CDH13: variants seen among roughly 807,000 people sequenced by gnomAD.
The protein encoded by CDH13 is cadherin 13.
In CDH13, 24 loss-of-function variants were observed where a neutral mutation model predicts 63.8. The ratio of observed to expected loss-of-function variants is 0.38; its 90% CI spans 0.27 to 0.53. CDH13 has a LOEUF of 0.53. CDH13 is among the 20% of genes least tolerant of loss of function. The probability of loss-of-function intolerance (pLI) is 0.85; values close to 1 mark genes in which losing one functional copy is unlikely to be tolerated. For synonymous variants in CDH13, 503 were observed against 355.3 expected (o/e 1.42, Z -4.67); for missense variants, 1,049 against 903.1 (o/e 1.16, Z -2.07).
chr16:82,740,591 G>A (rs2033883577), intron 1 of CDH13, among the ~76,000 whole-genome samples: 1 of 152,154 alleles, frequency 6.6e-6, no homozygotes, highest in African/African-American at 2.4e-5. Flanking sequence ...GGCTCAGCTG[G>A]GCTTGACTCC....
chr16:83,677,760 T>A (rs567544749), intron 9 of CDH13, among the ~76,000 whole-genome samples: 3 of 151,922 alleles, frequency 2.0e-5, no homozygotes, highest in African/African-American at 7.3e-5. Flanking sequence ...GGCGTTGGAG[T>A]CTCATTTACC....
At chr16:83,093,236 C>T (rs2034007314) in intron 3 of CDH13, among the ~76,000 whole-genome samples, 1 of 145,998 alleles carries the variant, frequency 6.8e-6, no homozygotes, top group Non-Finnish European at 1.5e-5. Flanking sequence ...TTGACTCTAT[C>T]AGGTGGATTT....
intron 8 of CDH13, among the ~76,000 whole-genome samples, chr16:83,636,877 GC>G (rs1476714267): frequency 3.3e-5 from 5 of 152,170 alleles, no homozygotes; most frequent in Admixed American, 2.6e-4. Flanking sequence ...ATTCCCACCA[GC>G]AGCATATATG....
At chr16:83,657,817 A>G (rs1185635128) in intron 8 of CDH13, among the ~76,000 whole-genome samples, 1 of 152,112 alleles carries the variant, frequency 6.6e-6, no homozygotes, top group Non-Finnish European at 1.5e-5. Flanking sequence ...TGCCAGCCAC[A>G]TGTCCTCACC....
chr16:83,065,364 A>G lies in CDH13; in HGVS notation c.366+33146A>G, dbSNP rs993952583. On this transcript the variant is annotated intron_variant, in intron 3 of 13. Coordinates refer to ENST00000567109, the MANE Select transcript of CDH13 (RefSeq NM_001257.5). ...CTGGTACAAAGATGGGTAAGATGGG[A>G]TGGAGAAGTTTCTACAAAACTGCTG... 3.3e-5 allele frequency among the ~76,000 whole-genome samples: 5 copies of G among 152,178 alleles called. No homozygotes were observed. The South Asian group carries it at 6.2e-4, about 19-fold the overall frequency.
intron 4 of CDH13, among the ~76,000 whole-genome samples, chr16:83,210,641 G>C (rs2039312724): frequency 6.6e-6 from 1 of 152,038 alleles, no homozygotes; most frequent in African/African-American, 2.4e-5. Context: ...GAGGTTGGCA[G>C]AGTGTGGGAG....
chr16:82,653,457 A>G (rs1408044524), intron 1 of CDH13, among the ~76,000 whole-genome samples: 1 of 152,170 alleles, frequency 6.6e-6, no homozygotes. Flanking sequence ...AATATATTTG[A>G]CTTGGGCCCT....
At chr16:83,520,919 T>C (rs73605870) in intron 7 of CDH13, among the ~76,000 whole-genome samples, 14,912 of 152,184 alleles carry the variant, frequency 0.098, 921 homozygotes, top group African/African-American at 0.17. Flanking sequence ...AGCAATGGGC[T>C]GCCCCACCAA....
chr16:83,074,196 T>A (rs1399915157), intron 3 of CDH13, among the ~76,000 whole-genome samples: 1 of 152,174 alleles, frequency 6.6e-6, no homozygotes, highest in Admixed American at 6.6e-5. Context: ...ATTGCGCTCT[T>A]TTTCTCCATA....
intron 1 of CDH13, among the ~76,000 whole-genome samples, chr16:82,812,730 G>T (rs758990167): frequency 6.6e-6 from 1 of 152,142 alleles, no homozygotes; most frequent in Admixed American, 6.6e-5. Context: ...GACAGATAGT[G>T]AAGTAGTTGG....
chr16:83,492,149 T>G (rs1377008341), intron 7 of CDH13, among the ~76,000 whole-genome samples: 1 of 152,018 alleles, frequency 6.6e-6, no homozygotes, highest in African/African-American at 2.4e-5. Context: ...TCCAGAAACA[T>G]ACTAAAGACA....
At chr16:82,656,716 A>G (rs544638586) in intron 1 of CDH13, among the ~76,000 whole-genome samples, 3 of 152,264 alleles carry the variant, frequency 2.0e-5, no homozygotes, top group African/African-American at 7.2e-5. Flanking sequence ...GCCCTAAAAT[A>G]CTTGCTCTGC....
intron 5 of CDH13, among the ~76,000 whole-genome samples, chr16:83,292,236 TTAG>T (rs2089482883): frequency 6.6e-6 from 1 of 152,206 alleles, no homozygotes; most frequent in South Asian, 2.1e-4. Flanking sequence ...ACAGTGGGAC[TTAG>T]TGGTACTTTC....
chr16:83,611,074 C>G (rs1908815741), intron 8 of CDH13, among the ~76,000 whole-genome samples: 2 of 152,182 alleles, frequency 1.3e-5, no homozygotes, highest in African/African-American at 4.8e-5. Flanking sequence ...CTTCCATCCA[C>G]TGGCTGTTGG....
intron 1 of CDH13, among the ~76,000 whole-genome samples, chr16:82,719,707 G>A (rs1297410157): frequency 6.6e-6 from 1 of 151,992 alleles, no homozygotes; most frequent in Non-Finnish European, 1.5e-5. Context: ...TTATCTGGGT[G>A]TGGTGGTGGG....
intron 5 of CDH13, among the ~76,000 whole-genome samples, chr16:83,254,848 C>A (rs748645): frequency 0.49 from 74,651 of 151,912 alleles, 18,638 homozygotes; most frequent in East Asian, 0.58. Context: ...CAATTAAATT[C>A]CTTGTAAAAA....
chr16:83,314,507 A>C (rs764467297), intron 5 of CDH13, among the ~76,000 whole-genome samples: 1 of 152,170 alleles, frequency 6.6e-6, no homozygotes, highest in Non-Finnish European at 1.5e-5. Flanking sequence ...AATATGATCA[A>C]TATGCCTCAT....
At chr16:83,723,815 C>T (rs570303039) in intron 10 of CDH13, among the ~76,000 whole-genome samples, 2 of 152,190 alleles carry the variant, frequency 1.3e-5, no homozygotes, top group South Asian at 4.1e-4. Flanking sequence ...AATAGCTACA[C>T]AATAAATATT....
intron 2 of CDH13, among the ~76,000 whole-genome samples, chr16:82,969,921 C>T (rs1245075615): frequency 1.3e-5 from 2 of 151,900 alleles, no homozygotes; most frequent in African/African-American, 2.4e-5. Context: ...CTTTCTTAAT[C>T]CTCCATTTAG....
Sources: allele counts gnomAD v4.1 joint callset (sites outside exome capture counted in the v4.1 genomes callset), GRCh38; gene constraint gnomAD v4.1.1; transcripts MANE v1.5; gene names NCBI Gene and HGNC (gene_info 2026-07-23, HGNC 2026-07-21).